The following CAB39 variants were observed in gnomAD, a reference collection of about 807,000 sequenced individuals.
The protein encoded by CAB39 is calcium binding protein 39.
Under a neutral mutation model 40.0 loss-of-function variants are expected in CAB39, and 8 were observed. That is an observed-to-expected ratio of 0.20 (90% confidence interval 0.12 to 0.36). The LOEUF is 0.36. Among genes scored for constraint, CAB39 ranks in the 10% least tolerant of loss-of-function variants. CAB39 has a pLI of 1.00. For synonymous variants in CAB39, 156 were observed against 141.6 expected, an observed-to-expected ratio of 1.10 and a Z score of -0.72; for missense variants, 270 against 401.1, an observed-to-expected ratio of 0.67 and a Z score of 2.79.
intron 1 of CAB39, among the ~76,000 whole-genome samples, chr2:230,731,336 C>T (rs544746635): frequency 2.0e-5 from 3 of 152,092 alleles, no homozygotes; most frequent in African/African-American, 2.4e-5. Context: ...AGTTTGGTCC[C>T]GTATATAGCC....
chr2:230,794,686 C>T (rs1291802485), intron 4 of CAB39, among the ~76,000 whole-genome samples: 1 of 152,194 alleles, frequency 6.6e-6, no homozygotes, highest in Non-Finnish European at 1.5e-5. Context: ...CCACCGGAAG[C>T]CCCGCCCACC....
intron 1 of CAB39, among the ~76,000 whole-genome samples, chr2:230,732,870 A>G (rs1337890602): frequency 3.9e-5 from 6 of 152,254 alleles, no homozygotes; most frequent in Non-Finnish European, 8.8e-5. Flanking sequence ...TGACATAGGC[A>G]TAATCCCCAA....
intron 4 of CAB39, among the ~76,000 whole-genome samples, chr2:230,798,252 T>A (rs1256445182): frequency 6.6e-6 from 1 of 152,196 alleles, no homozygotes; most frequent in Non-Finnish European, 1.5e-5. Context: ...AGTACTATCT[T>A]GAGTATTGAA....
chr2:230,780,919 A>G (rs1426371932), intron 2 of CAB39, among the ~76,000 whole-genome samples: 1 of 152,136 alleles, frequency 6.6e-6, no homozygotes, highest in Non-Finnish European at 1.5e-5. Flanking sequence ...CCATTGCTAC[A>G]GAAAATTTAA....
At chr2:230,721,735 T>C (rs1694456997) in intron 1 of CAB39, among the ~76,000 whole-genome samples, 1 of 152,216 alleles carries the variant, frequency 6.6e-6, no homozygotes, top group African/African-American at 2.4e-5. Flanking sequence ...CAGAGTTTTA[T>C]TTTTGATGGT....
chr2:230,733,030 C>A (rs1321116463), intron 1 of CAB39, among the ~76,000 whole-genome samples: 2 of 152,150 alleles, frequency 1.3e-5, no homozygotes, highest in African/African-American at 2.4e-5. Flanking sequence ...GCAGGTTACC[C>A]TGTTGCACCC....
intron 2 of CAB39, among the ~76,000 whole-genome samples, chr2:230,767,604 A>T (rs1695410941): frequency 6.6e-6 from 1 of 152,238 alleles, no homozygotes; most frequent in Non-Finnish European, 1.5e-5. Context: ...TGGTTTTTAC[A>T]TTTACAGAGT....
chr2:230,739,694 A>G (rs1024774399), intron 1 of CAB39, among the ~76,000 whole-genome samples: 2 of 152,162 alleles, frequency 1.3e-5, no homozygotes, highest in Admixed American at 6.5e-5. Flanking sequence ...GGGTTTCTGC[A>G]TGTTGGTCAG....
Position 230,793,284 on chromosome 2 carries a change from T to G in CAB39, c.351T>G (p.Val117=). The change falls in exon 4 of 9, where the codon GTT becomes GTG. Residue 117 remains valine (V), a synonymous_variant. Transcript: ENST00000258418. ...RRQIGTRTPT[V]EYICTQQNIL... ...AAATTGGTACGAGAACTCCTACTGT[T>G]GAATACATCTGCACCCAACAGAATA... 1 of 1,609,264 alleles carries G rather than the reference T, an allele frequency of 6.2e-7. No individual in the cohort carries two copies. The highest frequency in any genetic ancestry group is 8.5e-7 in the Non-Finnish European group (1 of 1,176,088).
intron 1 of CAB39, among the ~76,000 whole-genome samples, chr2:230,718,438 C>G (rs1006610426): frequency 2.0e-5 from 3 of 152,024 alleles, no homozygotes; most frequent in African/African-American, 7.3e-5. Context: ...TAGTTAAGGC[C>G]CGCTTTTAGG....
chr2:230,809,720 C>T (rs1009792711), intron 5 of CAB39, among the ~76,000 whole-genome samples: 17 of 152,096 alleles, frequency 1.1e-4, no homozygotes, highest in Non-Finnish European at 2.2e-4. Flanking sequence ...GTTATCGTAC[C>T]AACATTCTGC....
At chr2:230,789,805 G>A (rs141737066) in intron 2 of CAB39, among the ~76,000 whole-genome samples, 62 of 152,298 alleles carry the variant, frequency 4.1e-4, no homozygotes, top group African/African-American at 1.4e-3. Context: ...AACTAATGGA[G>A]AACACCTCTT....
intron 7 of CAB39, among the ~76,000 whole-genome samples, chr2:230,815,588 C>A (rs1696385884): frequency 6.6e-6 from 1 of 152,170 alleles, no homozygotes; most frequent in Non-Finnish European, 1.5e-5. Flanking sequence ...TGGGAGGAAG[C>A]TGGGGCCGGG....
chr2:230,766,438 G>A (rs1695386653), intron 2 of CAB39, among the ~76,000 whole-genome samples: 1 of 152,194 alleles, frequency 6.6e-6, no homozygotes, highest in Non-Finnish European at 1.5e-5. Context: ...AACTCACAGT[G>A]AGAACTCTGT....
intron 2 of CAB39, among the ~76,000 whole-genome samples, chr2:230,771,066 T>A (rs900080389): frequency 1.3e-5 from 2 of 152,186 alleles, no homozygotes; most frequent in Admixed American, 1.3e-4. Flanking sequence ...TAAAAATAAA[T>A]TAAAGGCATT....
At chr2:230,786,163 CA>C (rs369510604) in intron 2 of CAB39, among the ~76,000 whole-genome samples, 546 of 72,666 alleles carry the variant, frequency 7.5e-3, no homozygotes, top group African/African-American at 0.018. Flanking sequence ...GACTCTGTCT[CA>C]AAAAAAAAAA....
intron 2 of CAB39, among the ~76,000 whole-genome samples, chr2:230,785,085 G>C (rs894465873): frequency 6.6e-6 from 1 of 152,202 alleles, no homozygotes; most frequent in African/African-American, 2.4e-5. Context: ...GTCCAGGCAT[G>C]CTGGAGCAAG....
intron 2 of CAB39, among the ~76,000 whole-genome samples, chr2:230,781,838 A>G (rs1575942704): frequency 6.6e-6 from 1 of 152,196 alleles, no homozygotes; most frequent in East Asian, 1.9e-4. Context: ...AAAACTAAAC[A>G]AGAACAACCA....
intron 1 of CAB39, among the ~76,000 whole-genome samples, chr2:230,759,590 A>G (rs776267240): frequency 6.6e-6 from 1 of 152,198 alleles, no homozygotes; most frequent in Non-Finnish European, 1.5e-5. Context: ...AAAGGGTTTC[A>G]TGAAATGATG....
Sources: gnomAD v4.1 joint callset for allele counts (sites outside exome capture counted in the v4.1 genomes callset) on GRCh38, gnomAD v4.1.1 for gene constraint, MANE v1.5 for transcripts, NCBI Gene and HGNC (gene_info 2026-07-23, HGNC 2026-07-21) for gene names.